RNF150: variants seen among roughly 807,000 people sequenced by gnomAD.
The protein encoded by RNF150 is ring finger protein 150.
RNF150 carries 24 observed loss-of-function variants against 39.3 expected under a neutral mutation model. That is an observed-to-expected ratio of 0.61 (90% CI 0.44 to 0.86). The LOEUF is 0.86. Ranked by LOEUF, RNF150 falls within the 40% of genes least tolerant of loss-of-function variation. RNF150 has a pLI of 0.00. For synonymous variants in RNF150, 255 were observed against 227.3 expected (o/e 1.12, Z -1.10); for missense variants, 502 against 587.8 (o/e 0.85, Z 1.51).
intron 1 of RNF150, among the ~76,000 whole-genome samples, chr4:141,078,617 T>TA (rs1321926979): frequency 6.7e-6 from 1 of 149,548 alleles, no homozygotes; most frequent in Non-Finnish European, 1.5e-5. Flanking sequence ...CCGTCTCTAC[T>TA]AAAAATACAA....
At chr4:140,946,938 T>C (rs763140285) in intron 4 of RNF150, among the ~76,000 whole-genome samples, 1 of 152,218 alleles carries the variant, frequency 6.6e-6, no homozygotes. Context: ...TGAAGGAGGA[T>C]GGATTTTACA....
At chr4:141,181,883 T>C (rs1284044964) in intron 1 of RNF150, among the ~76,000 whole-genome samples, 1 of 152,116 alleles carries the variant, frequency 6.6e-6, no homozygotes, top group African/African-American at 2.4e-5. Context: ...TGGGAAGTAA[T>C]TGGAAGTGGG....
rs1553935621 is a variant in RNF150 at position 140,999,942 on chromosome 4, A to AAG, written c.485-32070_485-32069insCT. The stretch of plus-strand genomic sequence containing the variant: ...AACAGAGTGAGACTTGGTCTCAAAA[A>AAG]AAGAAGAAGAAGAAGAAGAAGAAGA... On this transcript the variant is annotated intron_variant, in intron 1 of 6. Coordinates refer to ENST00000515673, the MANE Select transcript of RNF150 (RefSeq NM_020724.2). Among the ~76,000 whole-genome samples, 53 of 34,572 alleles carry AAG rather than the reference A, an allele frequency of 1.5e-3. 5 individuals are homozygous for AAG. The highest frequency in any genetic ancestry group is 3.1e-3 in the Non-Finnish European group (48 of 15,472). 22.7% of individuals were successfully genotyped at this position (34,572 alleles called of 152,430 possible).
intron 1 of RNF150, among the ~76,000 whole-genome samples, chr4:141,018,948 T>C (rs1399739279): frequency 6.6e-6 from 1 of 151,092 alleles, no homozygotes; most frequent in Non-Finnish European, 1.5e-5. Context: ...GTTGTCCTAA[T>C]TATAAACATT....
chr4:140,959,946 T>C (rs1023857016), intron 2 of RNF150, among the ~76,000 whole-genome samples: 17 of 152,162 alleles, frequency 1.1e-4, no homozygotes, highest in Admixed American at 1.1e-3. Context: ...CATCCTGTCC[T>C]GACAATTTTA....
At chr4:140,992,994 A>G (rs1361871439) in intron 1 of RNF150, among the ~76,000 whole-genome samples, 1 of 151,994 alleles carries the variant, frequency 6.6e-6, no homozygotes, top group Admixed American at 6.6e-5. Flanking sequence ...GATCCACAGG[A>G]GAGGACGGGA....
At chr4:141,204,696 A>G (rs1560777864) in intron 1 of RNF150, among the ~76,000 whole-genome samples, 1 of 152,240 alleles carries the variant, frequency 6.6e-6, no homozygotes, top group Non-Finnish European at 1.5e-5. Flanking sequence ...CAAATAAGAT[A>G]GCTAAGATAA....
chr4:141,155,036 G>A (rs1047881359), intron 1 of RNF150, among the ~76,000 whole-genome samples: 2 of 151,940 alleles, frequency 1.3e-5, no homozygotes, highest in East Asian at 1.9e-4. Context: ...TCTTTTGTCC[G>A]TCAACTTAAA....
chr4:141,030,684 A>G (rs974891648), intron 1 of RNF150, among the ~76,000 whole-genome samples: 1 of 152,224 alleles, frequency 6.6e-6, no homozygotes, highest in African/African-American at 2.4e-5. Flanking sequence ...ATATATCTTC[A>G]GATTATACTA....
chr4:141,165,970 G>A (rs1164966490), intron 1 of RNF150, among the ~76,000 whole-genome samples: 1 of 152,026 alleles, frequency 6.6e-6, no homozygotes, highest in Non-Finnish European at 1.5e-5. Context: ...GAAGGAGACA[G>A]AGACATGAAA....
At chr4:141,006,963 C>T (rs1734892699) in intron 1 of RNF150, among the ~76,000 whole-genome samples, 1 of 152,094 alleles carries the variant, frequency 6.6e-6, no homozygotes, top group African/African-American at 2.4e-5. Context: ...AAGAAAACTA[C>T]ACGTCTGGAA....
chr4:140,997,198 T>G (rs1490906531), intron 1 of RNF150, among the ~76,000 whole-genome samples: 1 of 152,216 alleles, frequency 6.6e-6, no homozygotes, highest in African/African-American at 2.4e-5. Context: ...GCAGCCCAGT[T>G]TGTATATGTG....
intron 6 of RNF150, among the ~76,000 whole-genome samples, chr4:140,896,175 T>TA: frequency 1.8e-5 from 1 of 55,222 alleles, no homozygotes; most frequent in Non-Finnish European, 3.6e-5. Context: ...GACCCAGCCA[T>TA]CCCATTACTG....
chr4:141,044,774 C>CACAA (rs1389072897), intron 1 of RNF150, among the ~76,000 whole-genome samples: 15 of 146,234 alleles, frequency 1.0e-4, no homozygotes, highest in African/African-American at 4.0e-4. Flanking sequence ...GTGCAGCGCA[C>CACAA]ACACACACGC....
intron 1 of RNF150, among the ~76,000 whole-genome samples, chr4:141,086,011 G>A (rs1330179387): frequency 7.0e-6 from 1 of 143,456 alleles, no homozygotes; most frequent in African/African-American, 2.6e-5. Flanking sequence ...GAGCTTAAAC[G>A]ATAAGTGAGA....
chr4:140,914,339 G>T (rs1388588084), intron 5 of RNF150, among the ~76,000 whole-genome samples: 1 of 152,128 alleles, frequency 6.6e-6, no homozygotes. Context: ...ATTTTGAAAA[G>T]AAACCAAATC....
At chr4:141,123,077 T>A (rs367892869) in intron 1 of RNF150, among the ~76,000 whole-genome samples, 4 of 152,194 alleles carry the variant, frequency 2.6e-5, no homozygotes, top group Non-Finnish European at 2.9e-5. Flanking sequence ...GAGAATCAAA[T>A]TAGAACTTCC....
intron 1 of RNF150, among the ~76,000 whole-genome samples, chr4:140,992,074 T>G (rs1234932599): frequency 6.6e-6 from 1 of 152,232 alleles, no homozygotes; most frequent in African/African-American, 2.4e-5. Flanking sequence ...AGTAACATAC[T>G]AACCTGAGTT....
At chr4:141,002,826 A>C (rs1007334382) in intron 1 of RNF150, among the ~76,000 whole-genome samples, 2 of 151,892 alleles carry the variant, frequency 1.3e-5, no homozygotes, top group African/African-American at 4.8e-5. Flanking sequence ...TCACTGAGCC[A>C]TTGTTTTCCC....
Sources: allele counts gnomAD v4.1 joint callset (sites outside exome capture counted in the v4.1 genomes callset), GRCh38; gene constraint gnomAD v4.1.1; transcripts MANE v1.5; gene names NCBI Gene and HGNC (gene_info 2026-07-23, HGNC 2026-07-21).